The following TTPA variants were observed in gnomAD, a reference collection of about 807,000 sequenced individuals.
The protein encoded by TTPA is alpha tocopherol transfer protein, also known as alpha-tocopherol transfer protein.
Under a neutral mutation model 25.9 loss-of-function variants are expected in TTPA, and 23 were observed. The ratio of observed to expected loss-of-function variants is 0.89; its 90% CI spans 0.64 to 1.26. TTPA has a LOEUF of 1.26. Ranked by LOEUF, TTPA falls within the 50% of genes most tolerant of loss-of-function variation. The pLI, the probability that TTPA is intolerant of heterozygous loss-of-function variation, is 0.00. For missense variants in TTPA, 337 were observed against 353.1 expected (o/e 0.95, Z 0.37); for synonymous variants, 148 against 137.3 (o/e 1.08, Z -0.54).
intron 3 of TTPA, among the ~76,000 whole-genome samples, chr8:63,064,876 T>A (rs189567195): frequency 2.0e-5 from 3 of 152,298 alleles, no homozygotes; most frequent in Admixed American, 6.5e-5. Context: ...TTCTTTTATG[T>A]GAAGTTCTTT....
intron 2 of TTPA, among the ~76,000 whole-genome samples, chr8:63,068,957 C>G (rs943764539): frequency 1.3e-5 from 2 of 151,904 alleles, no homozygotes; most frequent in Non-Finnish European, 2.9e-5. Context: ...GAGTTCAAGA[C>G]CAGCCTGGCC....
intron 1 of TTPA, among the ~76,000 whole-genome samples, chr8:63,080,775 C>CA (rs1012508454): frequency 6.8e-6 from 1 of 148,012 alleles, no homozygotes; most frequent in African/African-American, 2.5e-5. Context: ...AGAGAAGAAT[C>CA]AAGTAATCAA....
chr8:63,060,041 T>A lies in TTPA; in HGVS notation c.*1211A>T, dbSNP rs567615411. On this transcript the variant is annotated 3_prime_UTR_variant, in exon 5 of 5. Transcript: ENST00000260116. ...GTTAATATAAATTGCAGGATTTGATTAAAATATTCTGATACAATAGTCAAA... is the reference window on the plus strand; with the variant it reads ...GTTAATATAAATTGCAGGATTTGATAAAAATATTCTGATACAATAGTCAAA... 1.3e-5 allele frequency: 2 copies of A among 152,306 alleles called. No homozygotes were observed. The highest frequency in any genetic ancestry group is 3.9e-4 in the East Asian group (2 of 5,184). The allele number at this position is 152,306 out of a possible 1,614,324, so 9.4% of individuals were successfully genotyped here. A position where few individuals can be genotyped will look rare whatever the true frequency, so the allele number is the denominator to read the frequency against.
At chr8:63,062,566 T>C (rs1408117270) in intron 4 of TTPA, among the ~76,000 whole-genome samples, 1 of 152,142 alleles carries the variant, frequency 6.6e-6, no homozygotes, top group Non-Finnish European at 1.5e-5. Context: ...AAATTCTATC[T>C]CCTCAGGAAG....
chr8:63,064,415 A>G, intron 3 of TTPA, 99 bp from the exon 4 acceptor site: 1 of 806,772 alleles, frequency 1.2e-6, no homozygotes, highest in Non-Finnish European at 2.0e-6. Flanking sequence ...GCTTATGGAA[A>G]TATCTAAAGT....
At chr8:63,072,805 A>C in intron 2 of TTPA, 130 bp downstream of exon 2, 1 of 1,076,882 alleles carries the variant, frequency 9.3e-7, no homozygotes, top group Non-Finnish European at 1.3e-6. Context: ...CAAATTCCTA[A>C]AGATGAATGC....
intron 4 of TTPA, 91 bp downstream of exon 4, chr8:63,064,115 G>T (rs1053590793): frequency 1.1e-6 from 1 of 884,804 alleles, no homozygotes; most frequent in Admixed American, 2.0e-5. Flanking sequence ...AGATGGGCAG[G>T]TACGAGGAAA....
In TTPA at chr8:63,081,733, T is replaced by C. The variant is rs975420996; in HGVS notation, c.204+4085A>G. Among the ~76,000 whole-genome samples the C allele has an allele frequency of 5.9e-5, 9 of 152,304 alleles. No homozygotes were observed. In the East Asian group the frequency reaches 1.5e-3, roughly 26 times the overall value. On this transcript the variant is annotated intron_variant, in intron 1 of 4. Transcript: ENST00000260116. Reference sequence around the variant, plus strand: ...TTTGCAGAAGACATGACTGTAAATTTAGAAAACCCCATCGTCTCAACCCAA... The same window carrying C: ...TTTGCAGAAGACATGACTGTAAATTCAGAAAACCCCATCGTCTCAACCCAA...
In TTPA at chr8:63,062,543, G is replaced by A. The variant is rs148359249; in HGVS notation, c.664-1118C>T. On this transcript the variant is annotated intron_variant, in intron 4 of 4. Coordinates refer to ENST00000260116, the MANE Select transcript of TTPA (RefSeq NM_000370.3). ...TTCTGAAATATGTAAAATATTATCA[G>A]GTAATTGAGAAGAAATTCTATCTCC... Among the ~76,000 whole-genome samples the A allele has an allele frequency of 1.8e-3, 281 of 152,202 alleles. 1 individual carries two copies. Among genetic ancestry groups the A allele is most frequent in the African/African-American group, 6.4e-3 (264 of 41,536 alleles).
intron 2 of TTPA, among the ~76,000 whole-genome samples, chr8:63,069,715 G>A (rs1805452446): frequency 6.7e-6 from 1 of 148,732 alleles, no homozygotes; most frequent in Non-Finnish European, 1.5e-5. Context: ...AGCCCAGATG[G>A]CAGAGTAAGA....
At chr8:63,084,985 C>G (rs1489711522) in intron 1 of TTPA, among the ~76,000 whole-genome samples, 1 of 152,212 alleles carries the variant, frequency 6.6e-6, no homozygotes, top group African/African-American at 2.4e-5. Context: ...CTGTGTGACA[C>G]TGAACAAGCC....
intron 4 of TTPA, 67 bp downstream of exon 4, chr8:63,064,139 T>A: frequency 8.8e-7 from 1 of 1,141,298 alleles, no homozygotes; most frequent in South Asian, 1.3e-5. Context: ...GATAAAGCAA[T>A]CCTTAAATTA....
chr8:63,063,328 A>G (rs1025289589), intron 4 of TTPA, among the ~76,000 whole-genome samples: 9 of 152,140 alleles, frequency 5.9e-5, no homozygotes, highest in African/African-American at 2.2e-4. Flanking sequence ...AGTCTAAGAT[A>G]TATGAGATGC....
intron 1 of TTPA, among the ~76,000 whole-genome samples, chr8:63,074,226 G>C (rs1805527138): frequency 6.6e-6 from 1 of 152,118 alleles, no homozygotes; most frequent in African/African-American, 2.4e-5. Context: ...ACTAGAGAGG[G>C]AAATGCTGAG....
chr8:63,062,035 A>G (rs1805314713), intron 4 of TTPA, among the ~76,000 whole-genome samples: 1 of 152,188 alleles, frequency 6.6e-6, no homozygotes, highest in South Asian at 2.1e-4. Flanking sequence ...GGTACAAAAA[A>G]AATACAAAAA....
intron 1 of TTPA, among the ~76,000 whole-genome samples, chr8:63,085,401 CG>C (rs1805732998): frequency 6.6e-6 from 1 of 152,196 alleles, no homozygotes; most frequent in Admixed American, 6.5e-5. Context: ...CCCCGCTATA[CG>C]TAGTTAATCT....
At chr8:63,085,188 C>T (rs563586455) in intron 1 of TTPA, among the ~76,000 whole-genome samples, 1 of 152,250 alleles carries the variant, frequency 6.6e-6, no homozygotes, top group South Asian at 2.1e-4. Context: ...AGGTCGCATC[C>T]CTCTTTCTGA....
rs1554524054 is a variant in TTPA at position 63,073,033 on chromosome 8, A to AGATCTG, written c.254_259dup (p.Asp86_Leu87insProAsp). On this transcript the variant is annotated inframe_insertion, in exon 2 of 5. Transcript: ENST00000260116. ...GAGGCCAATAATACTTCTAGGGTGT[A>AGATCTG]GATCTGCACTTATTTCTGGACATTC... is the stretch of plus-strand genomic sequence containing the variant. 1.2e-6 allele frequency: 2 copies of AGATCTG among 1,613,608 alleles called. No individual in the cohort carries two copies. Among genetic ancestry groups the AGATCTG allele is most frequent in the Non-Finnish European group, 1.7e-6 (2 of 1,179,614 alleles).
At position 63,074,208 on chromosome 8, in the gene TTPA, C is replaced by T. The variant is rs556352020; in HGVS notation, c.205-1120G>A. On this transcript the variant is annotated intron_variant, in intron 1 of 4. Transcript: ENST00000260116. ...AATGATCTGGAGGAGAAACTACAAA[C>T]GACAAAAACTAGAGAGGGAAATGCT... Among the ~76,000 whole-genome samples the T allele has an allele frequency of 6.0e-4, 91 of 152,110 alleles. 1 individual carries two copies. In the South Asian group the frequency reaches 6.0e-3, roughly 10 times the overall value.
Sources: gnomAD v4.1 joint callset for allele counts (sites outside exome capture counted in the v4.1 genomes callset) on GRCh38, gnomAD v4.1.1 for gene constraint, MANE v1.5 for transcripts, NCBI Gene and HGNC (gene_info 2026-07-23, HGNC 2026-07-21) for gene names.